The following MED13L variants were observed in gnomAD, a reference collection of about 807,000 sequenced individuals.
MED13L encodes the protein mediator complex subunit 13L.
MED13L carries 7 observed loss-of-function variants against 220.9 expected under a neutral mutation model. That is an observed-to-expected ratio of 0.03 (90% CI 0.02 to 0.06). The LOEUF (loss-of-function observed/expected upper bound fraction) is 0.06. Among genes scored for constraint, MED13L ranks in the 10% least tolerant of loss-of-function variants. The pLI is 1.00. For missense variants in MED13L, 1,965 were observed against 2,760.5 expected (o/e 0.71, Z 6.46); for synonymous variants, 1,011 against 1,015.2 (o/e 1.00, Z 0.08).
chr12:115,975,330 TGGGGAA>T lies in MED13L; in HGVS notation c.5589-23_5589-18del, dbSNP rs950387382. ...CTCCGTGACCTAACAAATAAAGAAA[TGGGGAA>T]GGGGAAGGGGTCCCTAGATAAATCA... On this transcript the variant is annotated intron_variant, in intron 24 of 30. Coordinates refer to ENST00000281928, the MANE Select transcript of MED13L (RefSeq NM_015335.5). The T allele has an allele frequency of 6.8e-6, 11 of 1,613,820 alleles. No individual in the cohort carries two copies. The African/African-American group carries it at 9.3e-5, about 14-fold the overall frequency.
chr12:116,078,034 C>T (rs1228078193), intron 4 of MED13L, among the ~76,000 whole-genome samples: 1 of 151,068 alleles, frequency 6.6e-6, no homozygotes, highest in Non-Finnish European at 1.5e-5. Flanking sequence ...ATCCCAGCTA[C>T]TCGGGAGGCT....
chr12:116,039,941 G>C (rs1259975410), intron 4 of MED13L, among the ~76,000 whole-genome samples: 1 of 152,164 alleles, frequency 6.6e-6, no homozygotes, highest in Non-Finnish European at 1.5e-5. Flanking sequence ...GGGTGAGTGA[G>C]AGCACCTAGG....
intron 9 of MED13L, among the ~76,000 whole-genome samples, chr12:116,009,522 A>G (rs1014184458): frequency 2.0e-5 from 3 of 152,182 alleles, no homozygotes; most frequent in Admixed American, 2.0e-4. Flanking sequence ...TCTATTTTAT[A>G]ACACTCTACT....
chr12:116,212,699 T>C (rs961960690), intron 2 of MED13L, among the ~76,000 whole-genome samples: 1 of 152,128 alleles, frequency 6.6e-6, no homozygotes, highest in Admixed American at 6.5e-5. Context: ...GTAAAACACA[T>C]GTATAGAAAA....
intron 2 of MED13L, among the ~76,000 whole-genome samples, chr12:116,182,425 T>C (rs1007728143): frequency 4.6e-5 from 7 of 152,192 alleles, no homozygotes; most frequent in Admixed American, 6.5e-5. Flanking sequence ...CCTTTTTCAA[T>C]GACAGAAACC....
chr12:116,175,674 G>A (rs1739426608), intron 2 of MED13L, among the ~76,000 whole-genome samples: 1 of 152,130 alleles, frequency 6.6e-6, no homozygotes, highest in South Asian at 2.1e-4. Flanking sequence ...TGAGGACCCA[G>A]AAAAGCAGGT....
intron 4 of MED13L, among the ~76,000 whole-genome samples, chr12:116,064,611 C>T (rs1399212424): frequency 6.6e-6 from 1 of 152,142 alleles, no homozygotes; most frequent in Non-Finnish European, 1.5e-5. Context: ...AAGGGAGTTC[C>T]CAGGGTCTCA....
chr12:116,031,730 GAA>G lies in MED13L; in HGVS notation c.480-9131_480-9130del, dbSNP rs1566020654. ...GAAAAGAAAAGAAAAGAAAAGAAAA[GAA>G]AAGAAAAGAAAAGAAAAGAAAAGAA... On this transcript the variant is annotated intron_variant, in intron 4 of 30. Coordinates refer to ENST00000281928, the MANE Select transcript of MED13L (RefSeq NM_015335.5). Among the ~76,000 whole-genome samples the G allele has an allele frequency of 7.4e-3, 480 of 65,212 alleles. 11 individuals are homozygous for G. Among genetic ancestry groups the G allele is most frequent in the African/African-American group, 0.027 (335 of 12,560 alleles). 42.8% of individuals were successfully genotyped at this position (65,212 alleles called of 152,430 possible).
At chr12:116,259,518 G>C (rs957960221) in intron 1 of MED13L, among the ~76,000 whole-genome samples, 1 of 152,164 alleles carries the variant, frequency 6.6e-6, no homozygotes, top group African/African-American at 2.4e-5. Context: ...ATTGAAGTAA[G>C]AGTTACTTCT....
At chr12:116,139,281 G>T (rs1037539698) in intron 2 of MED13L, among the ~76,000 whole-genome samples, 2 of 152,102 alleles carry the variant, frequency 1.3e-5, no homozygotes, top group Non-Finnish European at 2.9e-5. Context: ...TAAACTAAAA[G>T]ATAAAACACA....
At chr12:116,160,146 A>G (rs1878749166) in intron 2 of MED13L, among the ~76,000 whole-genome samples, 1 of 152,248 alleles carries the variant, frequency 6.6e-6, no homozygotes, top group South Asian at 2.1e-4. Context: ...AATTCAAACT[A>G]TCAACATATC....
rs1874755760 is a variant in MED13L at position 116,118,853 on chromosome 12, G to A, written c.311-7341C>T. Among the ~76,000 whole-genome samples the A allele has an allele frequency of 2.6e-5, 4 of 152,120 alleles. No homozygotes were observed. The South Asian group carries it at 8.3e-4, about 31-fold the overall frequency. ...AACACATGTATGTGCAAACCACTCG[G>A]AAGCAAAAATTATTTTGAAACTTTG... On this transcript the variant is annotated intron_variant, in intron 2 of 30. Coordinates refer to ENST00000281928, the MANE Select transcript of MED13L (RefSeq NM_015335.5).
chr12:116,129,857 C>A (rs1266988900), intron 2 of MED13L, among the ~76,000 whole-genome samples: 5 of 149,564 alleles, frequency 3.3e-5, no homozygotes, highest in Admixed American at 2.7e-4. Flanking sequence ...TGTAGTGAGC[C>A]GAGATCGTGC....
intron 28 of MED13L, among the ~76,000 whole-genome samples, chr12:115,968,610 G>A (rs1429866021): frequency 6.6e-6 from 1 of 152,006 alleles, no homozygotes; most frequent in East Asian, 1.9e-4. Flanking sequence ...CACTATTTTG[G>A]CAAAAAATAA....
At chr12:116,044,518 G>A (rs764235990) in intron 4 of MED13L, among the ~76,000 whole-genome samples, 4 of 152,144 alleles carry the variant, frequency 2.6e-5, no homozygotes, top group Non-Finnish European at 5.9e-5. Context: ...CATACTATAG[G>A]TGGAAATCCT....
chr12:116,097,487 T>TG (rs1206852163), intron 3 of MED13L, among the ~76,000 whole-genome samples: 1 of 152,166 alleles, frequency 6.6e-6, no homozygotes, highest in African/African-American at 2.4e-5. Context: ...ATTTTTATTT[T>TG]TTATTTTTTG....
rs1402856728 is a variant in MED13L, at chr12:115,960,546, A to AGGTATGTAGTCAAAGAATCCT, written c.*699_*719dup. On this transcript the variant is annotated 3_prime_UTR_variant, in exon 31 of 31. Transcript: ENST00000281928. ...ACTCCTTTTCCGGCTTCTAGGACAGAGGTATGTAGTCAAAGAATCCTATGG... is the reference window on the plus strand; with the variant it reads ...ACTCCTTTTCCGGCTTCTAGGACAGAGGTATGTAGTCAAAGAATCCTGGTATGTAGTCAAAGAATCCTATGG... The AGGTATGTAGTCAAAGAATCCT allele has an allele frequency of 5.9e-5, 9 of 153,054 alleles. No individual in the cohort carries two copies. Among genetic ancestry groups the AGGTATGTAGTCAAAGAATCCT allele is most frequent in the Admixed American group, 5.8e-4 (9 of 15,432 alleles). The allele number at this position is 153,054 out of a possible 1,614,324, so 9.5% of individuals were successfully genotyped here.
intron 2 of MED13L, among the ~76,000 whole-genome samples, chr12:116,156,163 T>C (rs1314890725): frequency 1.3e-5 from 2 of 152,036 alleles, no homozygotes; most frequent in African/African-American, 4.8e-5. Context: ...TAATAATTAT[T>C]AGCAATATGT....
chr12:116,019,477 T>C, intron 6 of MED13L, 65 bp from the exon 7 acceptor site: 1 of 1,554,634 alleles, frequency 6.4e-7, no homozygotes, highest in South Asian at 1.1e-5. Flanking sequence ...ACTTCCAATT[T>C]TATGATTCCA....
Sources: gnomAD v4.1 joint callset for allele counts (sites outside exome capture counted in the v4.1 genomes callset) on GRCh38, gnomAD v4.1.1 for gene constraint, MANE v1.5 for transcripts, NCBI Gene and HGNC (gene_info 2026-07-23, HGNC 2026-07-21) for gene names.